Variants in PDE4D observed in about 807,000 individuals in gnomAD.
The protein encoded by PDE4D is 3',5'-cyclic-AMP phosphodiesterase 4D.
In PDE4D, 24 loss-of-function variants were observed where a neutral mutation model predicts 87.4. The ratio of observed to expected loss-of-function variants is 0.27; its 90% CI spans 0.20 to 0.39. The LOEUF is 0.39. Ranked by LOEUF, PDE4D falls within the 10% of genes least tolerant of loss-of-function variation. The probability of loss-of-function intolerance (pLI) is 1.00; values close to 1 mark genes in which losing one functional copy is unlikely to be tolerated. For missense variants in PDE4D, 714 were observed against 1,041.0 expected (o/e 0.69, Z 4.32); for synonymous variants, 384 against 383.2 (o/e 1.00, Z -0.02).
chr5:60,056,019 G>A (rs913882888), intron 2 of PDE4D, among the ~76,000 whole-genome samples: 2 of 152,066 alleles, frequency 1.3e-5, no homozygotes, highest in African/African-American at 4.8e-5. Context: ...CTGTGTCCTT[G>A]CTGTATGATT....
chr5:59,926,395 A>T (rs1358322779), intron 3 of PDE4D, among the ~76,000 whole-genome samples: 1 of 152,070 alleles, frequency 6.6e-6, no homozygotes, highest in Non-Finnish European at 1.5e-5. Flanking sequence ...CCCTATATCA[A>T]AAAAAGAAGA....
intron 1 of PDE4D, among the ~76,000 whole-genome samples, chr5:59,413,190 G>T (rs1371308772): frequency 6.6e-6 from 1 of 151,950 alleles, no homozygotes; most frequent in East Asian, 1.9e-4. Context: ...GGGCGCGGTG[G>T]CTCACGCCTG....
intron 3 of PDE4D, among the ~76,000 whole-genome samples, chr5:59,192,603 T>TA (rs1744591914): frequency 1.3e-5 from 2 of 152,224 alleles, no homozygotes; most frequent in East Asian, 3.8e-4. Context: ...TGATGTATGA[T>TA]ATAGGCCTGA....
chr5:59,819,026 T>C (rs1769332020), intron 1 of PDE4D, among the ~76,000 whole-genome samples: 1 of 152,226 alleles, frequency 6.6e-6, no homozygotes, highest in African/African-American at 2.4e-5. Flanking sequence ...AAGGGGATTA[T>C]ATGGGCTGAC....
chr5:59,142,879 T>A (rs1324008965), intron 5 of PDE4D, among the ~76,000 whole-genome samples: 1 of 152,200 alleles, frequency 6.6e-6, no homozygotes, highest in Non-Finnish European at 1.5e-5. Context: ...ATCGTGCCAC[T>A]GCACTCCAGC....
At position 59,661,304 on chromosome 5, in the gene PDE4D, G is replaced by A. The variant is rs543153044; in HGVS notation, c.455+231864C>T. ...TGAAGAGGGCAAATTATCAAATGAT[G>A]TTTAAAAACTCCATTACCTGCTCCA... On this transcript the variant is annotated intron_variant, in intron 1 of 14. Transcript: ENST00000340635. Among the ~76,000 whole-genome samples, 7 of 152,120 alleles carry A rather than the reference G, an allele frequency of 4.6e-5. No homozygotes were observed. The East Asian group carries it at 1.2e-3, about 25-fold the overall frequency.
chr5:59,759,476 C>A (rs1049379459), intron 1 of PDE4D, among the ~76,000 whole-genome samples: 3 of 152,166 alleles, frequency 2.0e-5, no homozygotes, highest in African/African-American at 7.2e-5. Context: ...GCAAGGTTAT[C>A]CAAGGTTTTC....
chr5:60,140,998 C>T (rs997412822), intron 2 of PDE4D, among the ~76,000 whole-genome samples: 4 of 152,162 alleles, frequency 2.6e-5, no homozygotes, highest in African/African-American at 9.7e-5. Context: ...GGGATTAGAA[C>T]CCATCTAGAA....
chr5:60,014,567 C>G (rs989954959), intron 2 of PDE4D, among the ~76,000 whole-genome samples: 1 of 152,086 alleles, frequency 6.6e-6, no homozygotes, highest in Non-Finnish European at 1.5e-5. Context: ...TGCTAGGAGA[C>G]AAGGGTGATT....
At chr5:59,516,685 G>A (rs1054810471) in intron 1 of PDE4D, among the ~76,000 whole-genome samples, 1 of 151,896 alleles carries the variant, frequency 6.6e-6, no homozygotes, top group Admixed American at 6.6e-5. Flanking sequence ...AAAAGAGTCT[G>A]GAAGAAATTT....
intron 1 of PDE4D, among the ~76,000 whole-genome samples, chr5:59,653,548 A>G (rs925687554): frequency 6.6e-6 from 1 of 152,208 alleles, no homozygotes; most frequent in African/African-American, 2.4e-5. Context: ...TAAATAAACA[A>G]TAAGCAGGAC....
chr5:60,415,984 C>T (rs1742501756), intron 1 of PDE4D, among the ~76,000 whole-genome samples: 1 of 152,208 alleles, frequency 6.6e-6, no homozygotes, highest in Non-Finnish European at 1.5e-5. Flanking sequence ...CACCAATCAG[C>T]ACCCTGTGTC....
At chr5:59,155,956 T>C (rs1780114861) in intron 5 of PDE4D, among the ~76,000 whole-genome samples, 1 of 152,070 alleles carries the variant, frequency 6.6e-6, no homozygotes, top group African/African-American at 2.4e-5. Flanking sequence ...GATGAAGAGC[T>C]GCTGGTTTGG....
At chr5:59,836,573 T>G (rs760970440) in intron 1 of PDE4D, among the ~76,000 whole-genome samples, 1 of 151,948 alleles carries the variant, frequency 6.6e-6, no homozygotes, top group African/African-American at 2.4e-5. Context: ...TGCAGCCATT[T>G]TGAGGCTATA....
intron 1 of PDE4D, among the ~76,000 whole-genome samples, chr5:60,504,998 T>C (rs900944751): frequency 1.3e-5 from 2 of 152,210 alleles, no homozygotes; most frequent in Non-Finnish European, 2.9e-5. Context: ...CAAAATCAAA[T>C]ATCTAAATAG....
intron 6 of PDE4D, among the ~76,000 whole-genome samples, chr5:59,008,079 C>T (rs1444190387): frequency 6.6e-6 from 1 of 151,986 alleles, no homozygotes; most frequent in Non-Finnish European, 1.5e-5. Flanking sequence ...ACTATTTAGT[C>T]AATTTACCTA....
chr5:59,622,774 G>C (rs1830488080), intron 1 of PDE4D, among the ~76,000 whole-genome samples: 2 of 152,178 alleles, frequency 1.3e-5, no homozygotes, highest in African/African-American at 4.8e-5. Context: ...TGAGAACACA[G>C]AGTCGGGTGC....
chr5:59,303,143 T>C (rs112210288), intron 1 of PDE4D, among the ~76,000 whole-genome samples: 4,317 of 152,286 alleles, frequency 0.028, 230 homozygotes, highest in African/African-American at 0.098. Context: ...TCATTAGTGA[T>C]GTTGAGCATT....
chr5:59,483,476 G>C (rs886149776), intron 1 of PDE4D, among the ~76,000 whole-genome samples: 1 of 152,164 alleles, frequency 6.6e-6, no homozygotes, highest in Middle Eastern at 3.4e-3. Flanking sequence ...GACCTGCCCA[G>C]GGCAAGGAGA....
Sources: gnomAD v4.1 joint callset for allele counts (sites outside exome capture counted in the v4.1 genomes callset) on GRCh38, gnomAD v4.1.1 for gene constraint, MANE v1.5 for transcripts, NCBI Gene and HGNC (gene_info 2026-07-23, HGNC 2026-07-21) for gene names.